ZCCHC7: variants seen among roughly 807,000 people sequenced by gnomAD.
ZCCHC7 encodes the protein zinc finger CCHC domain-containing protein 7.
ZCCHC7 carries 35 observed loss-of-function variants against 52.0 expected under a neutral mutation model. The ratio of observed to expected loss-of-function variants is 0.67; its 90% CI spans 0.51 to 0.89. The LOEUF (loss-of-function observed/expected upper bound fraction) is 0.89, where lower values mean the gene tolerates loss of function less well. Ranked by LOEUF, ZCCHC7 falls within the 40% of genes least tolerant of loss-of-function variation. The probability of loss-of-function intolerance (pLI) is 0.00; values close to 1 mark genes in which losing one functional copy is unlikely to be tolerated. For missense variants in ZCCHC7, 574 were observed against 649.1 expected, an observed-to-expected ratio of 0.88 and a Z score of 1.26; for synonymous variants, 217 against 221.5, an observed-to-expected ratio of 0.98 and a Z score of 0.18.
At chr9:37,134,803 G>A (rs1842931958) in intron 2 of ZCCHC7, among the ~76,000 whole-genome samples, 1 of 152,082 alleles carries the variant, frequency 6.6e-6, no homozygotes, top group Admixed American at 6.5e-5. Context: ...TCAGCTCACC[G>A]CAACTTCCGC....
intron 2 of ZCCHC7, among the ~76,000 whole-genome samples, chr9:37,175,452 C>A (rs1821966836): frequency 6.6e-6 from 1 of 152,056 alleles, no homozygotes; most frequent in African/African-American, 2.4e-5. Context: ...GCCTGTAATC[C>A]CAGCACTTTG....
intron 1 of ZCCHC7, among the ~76,000 whole-genome samples, chr9:37,125,843 C>T (rs537761507): frequency 7.9e-5 from 12 of 152,250 alleles, no homozygotes; most frequent in Non-Finnish European, 7.4e-5. Context: ...GATTTGTATA[C>T]GTTTTTGCTA....
At position 37,356,847 on chromosome 9, in the gene ZCCHC7, A is replaced by T; in HGVS notation, c.1211A>T (p.Asn404Ile). The T allele has an allele frequency of 6.3e-7, 1 of 1,581,182 alleles. No homozygotes were observed. ...TTATATTTTTCAGTACTCAAGAAAA[A>T]TGGGGTTATCCCAGAGCCATCCAAG... Reference protein sequence around the residue: ...LKQKIKVLKKNGVIPEPSKLP... With the variant: ...LKQKIKVLKKIGVIPEPSKLP... Residue 404 changes from asparagine to isoleucine, a missense_variant, in exon 9 of 9, where the codon AAT becomes ATT. Coordinates refer to ENST00000336755, the MANE Select transcript of ZCCHC7 (RefSeq NM_032226.3).
At chr9:37,278,154 G>A (rs1317334111) in intron 2 of ZCCHC7, among the ~76,000 whole-genome samples, 1 of 151,894 alleles carries the variant, frequency 6.6e-6, no homozygotes, top group Non-Finnish European at 1.5e-5. Flanking sequence ...CGAGCTCCTA[G>A]ACTCTGGTGG....
chr9:37,198,551 T>A (rs776021690), intron 2 of ZCCHC7, among the ~76,000 whole-genome samples: 2 of 152,204 alleles, frequency 1.3e-5, no homozygotes, highest in Admixed American at 6.5e-5. Context: ...ATTTTAGTCT[T>A]CCTCATTTTT....
chr9:37,291,155 G>A (rs1722855589), intron 2 of ZCCHC7, among the ~76,000 whole-genome samples: 1 of 152,150 alleles, frequency 6.6e-6, no homozygotes, highest in Admixed American at 6.6e-5. Context: ...ACACAAAATG[G>A]CAAATAGGAA....
chr9:37,248,107 GT>G (rs1826159756), intron 2 of ZCCHC7, among the ~76,000 whole-genome samples: 1 of 151,996 alleles, frequency 6.6e-6, no homozygotes, highest in South Asian at 2.1e-4. Flanking sequence ...TATTTTTAGT[GT>G]TTTATATATA....
intron 5 of ZCCHC7, among the ~76,000 whole-genome samples, chr9:37,320,987 C>CTTT (rs11303114): frequency 1.0e-4 from 12 of 116,196 alleles, no homozygotes; most frequent in Non-Finnish European, 1.6e-4. Context: ...TTTCTTTTTT[C>CTTT]TTTTTTTTTT....
intron 6 of ZCCHC7, among the ~76,000 whole-genome samples, chr9:37,346,939 T>G (rs1472144956): frequency 1.3e-5 from 2 of 152,114 alleles, no homozygotes; most frequent in Non-Finnish European, 2.9e-5. Flanking sequence ...GAGGCTGCAG[T>G]GAGCCATGAT....
Position 37,163,385 on chromosome 9 carries a change from CAAAAAAAAA to C in ZCCHC7, c.610+36454_610+36462del, listed in dbSNP as rs1022187626. Among the ~76,000 whole-genome samples, 12 of 77,174 alleles carry C rather than the reference CAAAAAAAAA, an allele frequency of 1.6e-4. No homozygotes were observed. In the Admixed American group the frequency reaches 1.7e-3, roughly 11 times the overall value. 50.6% of individuals were successfully genotyped at this position (77,174 alleles called of 152,430 possible). On this transcript the variant is annotated intron_variant, in intron 2 of 8. Transcript: ENST00000336755. ...CCTGGGTGACAGCAAGACTCCATCT[CAAAAAAAAA>C]AAAAAAAAAAGAAAAGAAAAAAATA...
intron 2 of ZCCHC7, among the ~76,000 whole-genome samples, chr9:37,212,109 G>A (rs1050958828): frequency 4.9e-5 from 7 of 143,674 alleles, no homozygotes; most frequent in African/African-American, 1.5e-4. Context: ...TACCTCCCAG[G>A]ATCATTTTGA....
At chr9:37,271,932 T>C (rs1827437811) in intron 2 of ZCCHC7, among the ~76,000 whole-genome samples, 2 of 152,200 alleles carry the variant, frequency 1.3e-5, no homozygotes, top group African/African-American at 4.8e-5. Context: ...TGCTTAACAA[T>C]AGTTCAGTAG....
At chr9:37,176,474 A>G (rs568727531) in intron 2 of ZCCHC7, among the ~76,000 whole-genome samples, 1 of 152,208 alleles carries the variant, frequency 6.6e-6, no homozygotes, top group East Asian at 1.9e-4. Flanking sequence ...ATTTAAAAGA[A>G]CATTTTATCA....
chr9:37,266,902 T>A (rs1488730117), intron 2 of ZCCHC7, among the ~76,000 whole-genome samples: 1 of 152,176 alleles, frequency 6.6e-6, no homozygotes, highest in African/African-American at 2.4e-5. Flanking sequence ...GTGATGTATA[T>A]GTTATACCAG....
At chr9:37,130,170 G>A (rs1302476963) in intron 2 of ZCCHC7, among the ~76,000 whole-genome samples, 2 of 150,936 alleles carry the variant, frequency 1.3e-5, no homozygotes, top group Non-Finnish European at 2.9e-5. Flanking sequence ...CCCAGGAGGT[G>A]GAGGTTGCAG....
chr9:37,193,950 A>G (rs568820311), intron 2 of ZCCHC7, among the ~76,000 whole-genome samples: 64 of 152,276 alleles, frequency 4.2e-4, no homozygotes, highest in South Asian at 2.3e-3. Flanking sequence ...TATTATTTGA[A>G]TGCCTCATCC....
chr9:37,336,212 G>C (rs189639079), intron 6 of ZCCHC7, among the ~76,000 whole-genome samples: 3 of 152,224 alleles, frequency 2.0e-5, no homozygotes, highest in African/African-American at 7.2e-5. Context: ...TAAGAGCTGG[G>C]TCAGTTCTGC....
intron 6 of ZCCHC7, among the ~76,000 whole-genome samples, chr9:37,339,068 A>G (rs1406168903): frequency 6.6e-6 from 1 of 152,218 alleles, no homozygotes; most frequent in East Asian, 1.9e-4. Flanking sequence ...AGTATTATGT[A>G]TATATGGTAC....
At chr9:37,264,693 C>T (rs1429015309) in intron 2 of ZCCHC7, among the ~76,000 whole-genome samples, 2 of 152,004 alleles carry the variant, frequency 1.3e-5, no homozygotes, top group African/African-American at 4.8e-5. Flanking sequence ...GATATATTTC[C>T]TCCTAAGTAC....
Sources: allele counts gnomAD v4.1 joint callset (sites outside exome capture counted in the v4.1 genomes callset), GRCh38; gene constraint gnomAD v4.1.1; transcripts MANE v1.5; gene names NCBI Gene and HGNC (gene_info 2026-07-23, HGNC 2026-07-21).